ATXN10: variants seen among roughly 807,000 people sequenced by gnomAD.
The protein encoded by ATXN10 is ataxin 10, also known as ataxin-10.
In ATXN10, 28 loss-of-function variants were observed where a neutral mutation model predicts 52.9. The observed-to-expected ratio is 0.53, with a 90% CI of 0.39 to 0.73. The LOEUF (loss-of-function observed/expected upper bound fraction) is 0.73, where lower values mean the gene tolerates loss of function less well. Among genes scored for constraint, ATXN10 ranks in the 30% least tolerant of loss-of-function variants. The probability of loss-of-function intolerance (pLI) is 0.00; values close to 1 mark genes in which losing one functional copy is unlikely to be tolerated. For synonymous variants in ATXN10, 226 were observed against 221.5 expected (o/e 1.02, Z -0.18); for missense variants, 565 against 577.0 (o/e 0.98, Z 0.21).
At position 45,769,275 on chromosome 22, in the gene ATXN10, G is replaced by A. The variant is rs1926693284; in HGVS notation, c.1173+28737G>A. 6.6e-6 allele frequency among the ~76,000 whole-genome samples: 1 copy of A among 152,184 alleles called. No homozygotes were observed. Among genetic ancestry groups the A allele is most frequent in the East Asian group, 1.9e-4 (1 of 5,176 alleles). On this transcript the variant is annotated intron_variant, in intron 9 of 11. Transcript: ENST00000252934. This position sits in a 1 kb window ranked among gnomAD's most constrained non-coding sequence, Gnocchi z 4.2. ...TCAAAAGAGTAACGTGTGCAGATGG[G>A]CGCCGTTCATCCCCTCTCCCCCATA... is the stretch of plus-strand genomic sequence containing the variant.
chr22:45,743,496 A>G lies in ATXN10; in HGVS notation c.1173+2958A>G, dbSNP rs1327684379. Among the ~76,000 whole-genome samples the G allele has an allele frequency of 2.0e-5, 3 of 152,306 alleles. No individual in the cohort carries two copies. In the East Asian group the frequency reaches 5.8e-4, roughly 29 times the overall value. On this transcript the variant is annotated intron_variant, in intron 9 of 11. Coordinates refer to ENST00000252934, the MANE Select transcript of ATXN10 (RefSeq NM_013236.4). ...TTGGTTATAGTTTTGGGAAAATGGA[A>G]TGGATGGTTATGTAGCAGGTCTTTA... is the stretch of plus-strand genomic sequence containing the variant.
rs143167324 is a variant in ATXN10 at position 45,821,180 on chromosome 22, C to G, written c.1237+14158C>G. 6.4e-3 allele frequency among the ~76,000 whole-genome samples: 976 copies of G among 152,160 alleles called. 5 individuals are homozygous for G. The highest frequency in any genetic ancestry group is 0.02 in the Middle Eastern group (6 of 294). On this transcript the variant is annotated intron_variant, in intron 10 of 11. Transcript: ENST00000252934. ...GAGAGAAGCCAAAGTGTATCAGAAT[C>G]AAAACTACTTCCTTTGTGTTTCTCT... is the stretch of plus-strand genomic sequence containing the variant.
chr22:45,792,886 C>G (rs1007233026), intron 9 of ATXN10: 1 of 492,588 alleles, frequency 2.0e-6, no homozygotes, highest in South Asian at 1.7e-5. Flanking sequence ...TTAAATTCTT[C>G]TAAACTTGCA....
rs9614763 is a variant in ATXN10, at chr22:45,701,092, T to C, written c.488+714T>C. ...AGTCTGGGAGTGGGAGACCTGGCTT[T>C]GAATCTAGGCTTTGGTGCCAATGAA... On this transcript the variant is annotated intron_variant, in intron 4 of 11. Transcript: ENST00000252934. The surrounding 1 kb of genome is among the most constrained non-coding windows in gnomAD (Gnocchi z 4.2). Among the ~76,000 whole-genome samples, 8,306 of 152,260 alleles carry C rather than the reference T, an allele frequency of 0.055. 261 individuals are homozygous for C. Among genetic ancestry groups the C allele is most frequent in the African/African-American group, 0.082 (3,420 of 41,534 alleles).
chr22:45,682,783 C>A (rs1032766422), intron 1 of ATXN10, among the ~76,000 whole-genome samples: 1 of 152,156 alleles, frequency 6.6e-6, no homozygotes, highest in Non-Finnish European at 1.5e-5. Flanking sequence ...TGATGTCATC[C>A]TTCACTCCCC....
chr22:45,711,966 T>C (rs936181344), intron 5 of ATXN10, among the ~76,000 whole-genome samples: 1 of 152,256 alleles, frequency 6.6e-6, no homozygotes, highest in Non-Finnish European at 1.5e-5. Context: ...TGTATATCTT[T>C]TTGTGAAATG....
At chr22:45,726,279 C>T (rs976971027) in intron 6 of ATXN10, among the ~76,000 whole-genome samples, 12 of 152,116 alleles carry the variant, frequency 7.9e-5, no homozygotes, top group African/African-American at 2.9e-4. Context: ...GGCCATGTAT[C>T]CGTCTGGCCC....
chr22:45,792,838 G>C (rs1927563531), intron 9 of ATXN10: 5 of 525,070 alleles, frequency 9.5e-6, no homozygotes, highest in Admixed American at 2.0e-5. Flanking sequence ...AGAGTCATTG[G>C]CTTTGGTGAA....
chr22:45,797,128 G>A (rs1247769289), intron 9 of ATXN10, among the ~76,000 whole-genome samples: 3 of 152,158 alleles, frequency 2.0e-5, no homozygotes, highest in African/African-American at 4.8e-5. Context: ...AGTCATAATC[G>A]GAGATATCAG....
Position 45,681,419 on chromosome 22 carries a change from A to G in ATXN10, c.117-8293A>G, listed in dbSNP as rs1165840694. Among the ~76,000 whole-genome samples the G allele has an allele frequency of 6.6e-6, 1 of 152,164 alleles. No individual in the cohort carries two copies. On this transcript the variant is annotated intron_variant, in intron 1 of 11. Transcript: ENST00000252934. The surrounding 1 kb of genome is among the most constrained non-coding windows in gnomAD (Gnocchi z 4.2). ...GCTTCATCAAGTCTTTAACCTCACC[A>G]GGACCTACAGTCTTTTGACCCTATT...
intron 6 of ATXN10, among the ~76,000 whole-genome samples, chr22:45,723,280 T>G (rs1338308486): frequency 6.6e-6 from 1 of 152,090 alleles, no homozygotes; most frequent in African/African-American, 2.4e-5. Context: ...GTGGTTTTGG[T>G]CACATGGATG....
chr22:45,725,712 G>T (rs536722497), intron 6 of ATXN10, among the ~76,000 whole-genome samples: 13 of 152,268 alleles, frequency 8.5e-5, no homozygotes, highest in African/African-American at 3.1e-4. Flanking sequence ...CTGAATAGAA[G>T]TGGTGAAAGT....
Position 45,843,017 on chromosome 22 carries a change from A to G in ATXN10, c.1264A>G (p.Ile422Val), listed in dbSNP as rs1929397111. Residue 422 changes from isoleucine (I) to valine (V), a missense_variant, in exon 11 of 12, where the codon ATC becomes GTC. Coordinates refer to ENST00000252934, the MANE Select transcript of ATXN10 (RefSeq NM_013236.4). The surrounding 1 kb of genome is among the most constrained non-coding windows in gnomAD (Gnocchi z 4.5). Reference protein sequence around the residue: ...PFLTQWVIYAIRNLTEDNSQN... With the variant: ...PFLTQWVIYAVRNLTEDNSQN... ...TCTGACCCAGTGGGTGATATATGCC[A>G]TCCGAAACCTTACCGAAGACAACAG... is the stretch of plus-strand genomic sequence containing the variant. 3 of 1,614,228 alleles carry G rather than the reference A, an allele frequency of 1.9e-6. No individual in the cohort carries two copies. The highest frequency in any genetic ancestry group is 1.6e-4 in the Middle Eastern group (1 of 6,062).
rs1924903172 is a variant in ATXN10 at position 45,727,127 on chromosome 22, T to C, written c.729-2298T>C. Among the ~76,000 whole-genome samples the C allele has an allele frequency of 6.6e-6, 1 of 152,214 alleles. No individual in the cohort carries two copies. The highest frequency in any genetic ancestry group is 6.5e-5 in the Admixed American group (1 of 15,280). On this transcript the variant is annotated intron_variant, in intron 6 of 11. Transcript: ENST00000252934. The surrounding 1 kb of genome is among the most constrained non-coding windows in gnomAD (Gnocchi z 4.6). ...GTATCCCAGAAGTTTTGATAAATTA[T>C]ATCTCTGTTATCATTTATTTTGAAT... is the stretch of plus-strand genomic sequence containing the variant.
rs1233521049 is a variant in ATXN10, at chr22:45,701,948, C to T, written c.489-741C>T. Among the ~76,000 whole-genome samples, 1 of 152,174 alleles carries T rather than the reference C, an allele frequency of 6.6e-6. No individual in the cohort carries two copies. Among genetic ancestry groups the T allele is most frequent in the South Asian group, 2.1e-4 (1 of 4,814 alleles). ...TTGTTATTGTATTTTATTTTTTATA[C>T]CAGAAAACATATTAAGAGAGGTTCT... On this transcript the variant is annotated intron_variant, in intron 4 of 11. Transcript: ENST00000252934. The surrounding 1 kb of genome is among the most constrained non-coding windows in gnomAD (Gnocchi z 4.2).
At chr22:45,682,379 C>T (rs370413369) in intron 1 of ATXN10, among the ~76,000 whole-genome samples, 1 of 151,914 alleles carries the variant, frequency 6.6e-6, no homozygotes, top group Non-Finnish European at 1.5e-5. Context: ...TGCAGGGGCA[C>T]GATCTGCAGC....
intron 9 of ATXN10, among the ~76,000 whole-genome samples, chr22:45,771,478 G>A (rs1926776891): frequency 7.2e-6 from 1 of 139,580 alleles, no homozygotes; most frequent in African/African-American, 2.7e-5. Context: ...GTGCAATGAT[G>A]TGATCTTGGC....
intron 9 of ATXN10, among the ~76,000 whole-genome samples, chr22:45,801,708 A>G (rs1411788461): frequency 1.3e-5 from 2 of 152,236 alleles, no homozygotes; most frequent in Non-Finnish European, 2.9e-5. Flanking sequence ...TCCATATTCA[A>G]ACTTTGCTGA....
intron 9 of ATXN10, chr22:45,793,561 T>G: frequency 7.8e-7 from 1 of 1,281,706 alleles, no homozygotes. Context: ...AATCTTTCTG[T>G]GACAAATGAC....
Sources: allele counts gnomAD v4.1 joint callset (sites outside exome capture counted in the v4.1 genomes callset), GRCh38; gene constraint gnomAD v4.1.1; non-coding constraint Gnocchi (gnomAD v3.1); transcripts MANE v1.5; gene names NCBI Gene and HGNC (gene_info 2026-07-23, HGNC 2026-07-21).